PTDSS2: variants seen among roughly 807,000 people sequenced by gnomAD.
PTDSS2 encodes PSS-2.
Under a neutral mutation model 64.7 loss-of-function variants are expected in PTDSS2, and 41 were observed. That is an observed-to-expected ratio of 0.63 (90% CI 0.49 to 0.82). PTDSS2 has a LOEUF of 0.82. Ranked by LOEUF, PTDSS2 falls within the 40% of genes least tolerant of loss-of-function variation. The pLI is 0.00. For missense variants in PTDSS2, 485 were observed against 650.0 expected (o/e 0.75, Z 2.76); for synonymous variants, 297 against 277.8 (o/e 1.07, Z -0.69).
intron 2 of PTDSS2, among the ~76,000 whole-genome samples, chr11:469,250 C>A (rs374490050): frequency 3.6e-5 from 4 of 111,964 alleles, no homozygotes; most frequent in South Asian, 6.6e-4. Context: ...TCTGGGTAAT[C>A]GGAAGGAGGA....
chr11:463,195 C>A (rs1376922234), intron 2 of PTDSS2, among the ~76,000 whole-genome samples: 4 of 151,632 alleles, frequency 2.6e-5, no homozygotes, highest in Non-Finnish European at 1.5e-5. Flanking sequence ...AAAGAAAATA[C>A]CTTCTAGAAA....
Position 484,784 on chromosome 11 carries a change from G to A in PTDSS2, c.436-2155G>A, listed in dbSNP as rs116632688. Among the ~76,000 whole-genome samples, 607 of 141,950 alleles carry A rather than the reference G, an allele frequency of 4.3e-3. 4 individuals are homozygous for A. The highest frequency in any genetic ancestry group is 0.015 in the African/African-American group (552 of 37,902). 93.1% of individuals were successfully genotyped at this position (141,950 alleles called of 152,430 possible). On this transcript the variant is annotated intron_variant, in intron 4 of 11. Transcript: ENST00000308020. ...AAGTGCACGGGTGTGTGTGCTGTGC[G>A]CAGGCGAGTGTAAACTGCACGGGCG...
intron 8 of PTDSS2, 25 bp downstream of exon 8, chr11:488,672 A>T: frequency 4.4e-5 from 63 of 1,429,588 alleles, no homozygotes; most frequent in Middle Eastern, 1.8e-4. Context: ...CTGCGAGGGC[A>T]GGGCCGGGTG....
chr11:468,298 AGTT>A (rs541035280), intron 2 of PTDSS2, among the ~76,000 whole-genome samples: 8 of 152,360 alleles, frequency 5.3e-5, no homozygotes, highest in Admixed American at 1.3e-4. Flanking sequence ...TGAAAACATC[AGTT>A]GTTTCCCGGG....
intron 1 of PTDSS2, chr11:451,417 C>T (rs1392395262): frequency 2.2e-6 from 1 of 448,104 alleles, no homozygotes; most frequent in Admixed American, 2.4e-5. Flanking sequence ...TGCCGATGCT[C>T]CTCTGTGAGA....
At chr11:472,090 A>G (rs1295898464) in intron 2 of PTDSS2, among the ~76,000 whole-genome samples, 2 of 117,088 alleles carry the variant, frequency 1.7e-5, no homozygotes, top group Non-Finnish European at 3.6e-5. Context: ...GGGGTGACAC[A>G]GATGGTAGCC....
In PTDSS2 at chr11:460,102, T is replaced by C; in HGVS notation, c.183-85T>C. ...TGGAGTTTAAGCCCTCTCCTTGACG[T>C]AGAGAGGATTTGGGGCCTGTTACGT... On this transcript the variant is annotated intron_variant, in intron 1 of 11. Transcript: ENST00000308020. The surrounding 1 kb of genome is among the most constrained non-coding windows in gnomAD (Gnocchi z 5.8). 9.6e-7 allele frequency: 1 copy of C among 1,041,514 alleles called. No homozygotes were observed. Among genetic ancestry groups the C allele is most frequent in the Non-Finnish European group, 1.5e-6 (1 of 676,468 alleles). 64.5% of individuals were successfully genotyped at this position (1,041,514 alleles called of 1,614,324 possible).
chr11:460,167 TA>T lies in PTDSS2; in HGVS notation c.183-19del. ...GCTGCCCAAGCTCTGACACCATGCT[TA>T]TGCGTTTTTGGATTTCAGGCGAGCC... is the stretch of plus-strand genomic sequence containing the variant. On this transcript the variant is annotated intron_variant, in intron 1 of 11. Transcript: ENST00000308020. The surrounding 1 kb of genome is among the most constrained non-coding windows in gnomAD (Gnocchi z 5.8). 4.4e-6 allele frequency: 7 copies of T among 1,602,002 alleles called. No homozygotes were observed. The highest frequency in any genetic ancestry group is 6.0e-6 in the Non-Finnish European group (7 of 1,168,978).
intron 4 of PTDSS2, among the ~76,000 whole-genome samples, chr11:483,889 G>A (rs1372021080): frequency 4.6e-5 from 7 of 152,166 alleles, no homozygotes; most frequent in African/African-American, 1.2e-4. Flanking sequence ...TATCCCTGGC[G>A]CTGTGGACCT....
chr11:476,670 C>CG lies in PTDSS2; in HGVS notation c.368-2412dup, dbSNP rs1004780959. On this transcript the variant is annotated intron_variant, in intron 3 of 11. Coordinates refer to ENST00000308020, the MANE Select transcript of PTDSS2 (RefSeq NM_030783.3). This position sits in a 1 kb window ranked among gnomAD's most constrained non-coding sequence, Gnocchi z 4.9. Reference sequence around the variant, plus strand: ...AGGAGCTCTGGCGCAGGTCACCTGGCGGGATGTGGAGCATCTGGGCCTGAA... The same window carrying CG: ...AGGAGCTCTGGCGCAGGTCACCTGGCGGGGATGTGGAGCATCTGGGCCTGAA... Among the ~76,000 whole-genome samples the CG allele has an allele frequency of 6.6e-6, 1 of 152,122 alleles. No homozygotes were observed. Among genetic ancestry groups the CG allele is most frequent in the African/African-American group, 2.4e-5 (1 of 41,434 alleles).
chr11:490,176 C>T (rs1046928569), intron 11 of PTDSS2, 108 bp downstream of exon 11: 95 of 1,309,630 alleles, frequency 7.3e-5, no homozygotes, highest in Non-Finnish European at 9.5e-5. Flanking sequence ...GTCCCTGCTT[C>T]AACCCTCTGG....
chr11:490,787 T>TGCGTGTGTGTACGCGTGTAC lies in PTDSS2; in HGVS notation c.*223_*224insACGCGTGTGTGTACGCGTGT, dbSNP rs71022916. Reference sequence around the variant, plus strand: ...ATGTGTACACGTGTGTACGTGTGTATGCGTGTGTGTACGCGTGTGTACGCG... The same window carrying TGCGTGTGTGTACGCGTGTAC: ...ATGTGTACACGTGTGTACGTGTGTATGCGTGTGTGTACGCGTGTACGCGTGTGTGTACGCGTGTGTACGCG... On this transcript the variant is annotated 3_prime_UTR_variant, in exon 12 of 12. Coordinates refer to ENST00000308020, the MANE Select transcript of PTDSS2 (RefSeq NM_030783.3). 71 of 574,018 alleles carry TGCGTGTGTGTACGCGTGTAC rather than the reference T, an allele frequency of 1.2e-4. No homozygotes were observed. The highest frequency in any genetic ancestry group is 1.5e-4 in the Non-Finnish European group (50 of 327,076). The allele number at this position is 574,018 out of a possible 1,614,324, so 35.6% of individuals were successfully genotyped here.
chr11:490,235 C>T (rs1338402323), intron 11 of PTDSS2, among the ~76,000 whole-genome samples, 167 bp downstream of exon 11: 2 of 152,212 alleles, frequency 1.3e-5, no homozygotes, highest in Admixed American at 6.5e-5. Flanking sequence ...GGGGCCTTCG[C>T]TCTGCACTGA....
At chr11:487,330 A>G in intron 5 of PTDSS2, 90 bp from the exon 6 acceptor site, 1 of 1,245,282 alleles carries the variant, frequency 8.0e-7, no homozygotes, top group Non-Finnish European at 1.2e-6. Flanking sequence ...GGGGTCTGGC[A>G]GGTGCTGCTC....
chr11:487,368 G>C, intron 5 of PTDSS2, 52 bp from the exon 6 acceptor site: 2 of 1,522,442 alleles, frequency 1.3e-6, no homozygotes, highest in Non-Finnish European at 1.8e-6. Flanking sequence ...CCGGTGTGGG[G>C]AGTGGGGGTG....
Position 460,125 on chromosome 11 carries a change from C to A in PTDSS2, c.183-62C>A. On this transcript the variant is annotated intron_variant, in intron 1 of 11. Transcript: ENST00000308020. This position sits in a 1 kb window ranked among gnomAD's most constrained non-coding sequence, Gnocchi z 5.8. The stretch of plus-strand genomic sequence containing the variant: ...CGTAGAGAGGATTTGGGGCCTGTTA[C>A]GTGAGTATTTAGCAATGCTGCCCAA... The A allele has an allele frequency of 7.5e-7, 1 of 1,335,350 alleles. No homozygotes were observed. The highest frequency in any genetic ancestry group is 1.1e-6 in the Non-Finnish European group (1 of 931,530). 82.7% of individuals were successfully genotyped at this position (1,335,350 alleles called of 1,614,324 possible).
chr11:469,535 C>T (rs1248885638), intron 2 of PTDSS2, among the ~76,000 whole-genome samples: 1 of 151,672 alleles, frequency 6.6e-6, no homozygotes, highest in African/African-American at 2.4e-5. Flanking sequence ...GGAGGGGAGT[C>T]TCCGGGTAAT....
At chr11:488,793 C>G in intron 8 of PTDSS2, 146 bp downstream of exon 8, 2 of 665,178 alleles carry the variant, frequency 3.0e-6, no homozygotes, top group Non-Finnish European at 5.5e-6. Flanking sequence ...CTCCTGGAAC[C>G]TCCCTCTGAC....
At position 490,021 on chromosome 11, in the gene PTDSS2, C is replaced by T. The variant is rs375486867; in HGVS notation, c.1254C>T (p.Leu418=). The T allele has an allele frequency of 2.3e-5, 37 of 1,611,406 alleles. No individual in the cohort carries two copies. The highest frequency in any genetic ancestry group is 3.1e-5 in the Non-Finnish European group (37 of 1,179,966). ...LPFYISQCWT[L]GSVLALTWTV... ...TCTACATCTCCCAGTGCTGGACCCT[C>T]GGCTCCGTCCTGGCGCTCACCTGGA... Residue 418 remains leucine, a synonymous_variant, in exon 11 of 12, where the codon CTC becomes CTT. Transcript: ENST00000308020.
Sources: allele counts gnomAD v4.1 joint callset (sites outside exome capture counted in the v4.1 genomes callset), GRCh38; gene constraint gnomAD v4.1.1; non-coding constraint Gnocchi (gnomAD v3.1); transcripts MANE v1.5; gene names NCBI Gene and HGNC (gene_info 2026-07-23, HGNC 2026-07-21).